ATP2C1: variants seen among roughly 807,000 people sequenced by gnomAD.
ATP2C1 encodes the protein calcium-transporting ATPase type 2C member 1.
A neutral mutation model predicts 120.5 loss-of-function variants in ATP2C1; 31 were observed. The ratio of observed to expected loss-of-function variants is 0.26; its 90% CI spans 0.19 to 0.35. The LOEUF is 0.35. Ranked by LOEUF, ATP2C1 falls within the 10% of genes least tolerant of loss-of-function variation. The probability of loss-of-function intolerance (pLI) is 1.00; values close to 1 mark genes in which losing one functional copy is unlikely to be tolerated. For missense variants in ATP2C1, 731 were observed against 1,107.5 expected, an observed-to-expected ratio of 0.66 and a Z score of 4.83; for synonymous variants, 351 against 358.7, an observed-to-expected ratio of 0.98 and a Z score of 0.24.
intron 2 of ATP2C1, among the ~76,000 whole-genome samples, chr3:130,904,230 C>T (rs2058020546): frequency 6.6e-6 from 1 of 152,012 alleles, no homozygotes; most frequent in East Asian, 1.9e-4. Context: ...ATTATTAAAA[C>T]CAGGACATTC....
chr3:130,894,513 C>T lies in ATP2C1; in HGVS notation c.-180-77C>T. Reference sequence around the variant, plus strand: ...GGGTGCGGGATCTTGGGGAGGGGGGCTCCCGAGATAGTGGCTGGGCGGGGA... The same window carrying T: ...GGGTGCGGGATCTTGGGGAGGGGGGTTCCCGAGATAGTGGCTGGGCGGGGA... On this transcript the variant is annotated intron_variant, in intron 1 of 27. Coordinates refer to ENST00000510168, the MANE Select transcript of ATP2C1 (RefSeq NM_001378687.1). This position sits in a 1 kb window ranked among gnomAD's most constrained non-coding sequence, Gnocchi z 4.5. 7.2e-7 allele frequency: 1 copy of T among 1,388,066 alleles called. No individual in the cohort carries two copies. The highest frequency in any genetic ancestry group is 9.3e-7 in the Non-Finnish European group (1 of 1,072,200). The allele number at this position is 1,388,066 out of a possible 1,614,324, so 86.0% of individuals were successfully genotyped here. A position where few individuals can be genotyped will look rare whatever the true frequency, so the allele number is the denominator to read the frequency against.
intron 8 of ATP2C1, among the ~76,000 whole-genome samples, chr3:130,948,942 A>AATG (rs2060258372): frequency 6.6e-6 from 1 of 152,138 alleles, no homozygotes; most frequent in Non-Finnish European, 1.5e-5. Context: ...CTATAAATGT[A>AATG]ATGAGTAAAT....
rs61731516 is a variant in ATP2C1, at chr3:130,979,301, G to C, written c.1623G>C (p.Leu541Phe). ...TGGGACAGCTGACATTTCTTGGCTT[G>C]GTGGGAATCATTGATCCACCTAGAA... is the stretch of plus-strand genomic sequence containing the variant. ...PELGQLTFLG[L>F]VGIIDPPRTG... Residue 541 changes from leucine to phenylalanine, a missense_variant, in exon 19 of 28, where the codon TTG becomes TTC. Physicochemically the swap from Leu to Phe is conservative, Grantham distance 22. Transcript: ENST00000510168. 8.5e-4 allele frequency: 1,367 copies of C among 1,613,532 alleles called. 11 individuals carry two copies. In the African/African-American group the frequency reaches 0.016, roughly 19 times the overall value.
intron 1 of ATP2C1, among the ~76,000 whole-genome samples, chr3:130,857,211 A>G (rs2067869636): frequency 6.6e-6 from 1 of 152,240 alleles, no homozygotes; most frequent in African/African-American, 2.4e-5. Context: ...AAAAATAAAA[A>G]GCTACCAATG....
Position 131,002,695 on chromosome 3 carries a change from C to T in ATP2C1, c.*1345C>T, listed in dbSNP as rs1467967679. On this transcript the variant is annotated 3_prime_UTR_variant, in exon 28 of 28. Transcript: ENST00000510168. ...CTAACAGGTTTAATCCTTCTTGAAG[C>T]CAATAAGTTTTATCTTTTATAATCT... is the stretch of plus-strand genomic sequence containing the variant. The T allele has an allele frequency of 9.1e-6, 9 of 985,348 alleles. No homozygotes were observed. The highest frequency in any genetic ancestry group is 1.1e-5 in the Non-Finnish European group (9 of 829,892). 61.0% of individuals were successfully genotyped at this position (985,348 alleles called of 1,614,324 possible).
intron 2 of ATP2C1, chr3:130,918,615 T>C: frequency 3.0e-6 from 2 of 674,172 alleles, no homozygotes; most frequent in Admixed American, 3.9e-5. Context: ...CTTCTTTCCA[T>C]AGCAGGATTT....
intron 1 of ATP2C1, among the ~76,000 whole-genome samples, chr3:130,865,837 T>G (rs935953428): frequency 6.6e-6 from 1 of 152,208 alleles, no homozygotes; most frequent in Admixed American, 6.5e-5. Context: ...TTCAGCAGCA[T>G]CAAAACAGAC....
intron 23 of ATP2C1, 62 bp from the exon 24 acceptor site, chr3:130,996,618 G>A: frequency 1.9e-6 from 2 of 1,069,878 alleles, no homozygotes; most frequent in Non-Finnish European, 2.9e-6. Flanking sequence ...CTAAAAAAGT[G>A]GTATCATAGA....
intron 2 of ATP2C1, among the ~76,000 whole-genome samples, chr3:130,925,270 C>T (rs2059152221): frequency 6.6e-6 from 1 of 152,144 alleles, no homozygotes; most frequent in African/African-American, 2.4e-5. Flanking sequence ...GGGGTTCTCC[C>T]TTGATGTGGT....
chr3:130,984,871 G>A (rs1386599196), intron 20 of ATP2C1, among the ~76,000 whole-genome samples: 3 of 152,146 alleles, frequency 2.0e-5, no homozygotes, highest in Non-Finnish European at 4.4e-5. Context: ...AACCTACATA[G>A]TTTTGCAAGC....
chr3:130,873,681 A>G (rs770765284), intron 1 of ATP2C1, among the ~76,000 whole-genome samples: 4 of 152,252 alleles, frequency 2.6e-5, no homozygotes, highest in Non-Finnish European at 4.4e-5. Flanking sequence ...GTTGATGTGC[A>G]AACCACAAAA....
chr3:130,905,440 T>G (rs1339466671), intron 2 of ATP2C1, among the ~76,000 whole-genome samples: 1 of 152,076 alleles, frequency 6.6e-6, no homozygotes, highest in African/African-American at 2.4e-5. Flanking sequence ...TATATTGACT[T>G]ACTTGTTTCA....
At chr3:130,882,448 G>C (rs1021382083) in intron 1 of ATP2C1, among the ~76,000 whole-genome samples, 1 of 152,054 alleles carries the variant, frequency 6.6e-6, no homozygotes, top group Non-Finnish European at 1.5e-5. Flanking sequence ...TGATCTGCTT[G>C]TCTTGGCATC....
intron 1 of ATP2C1, among the ~76,000 whole-genome samples, chr3:130,858,872 G>A (rs1272059771): frequency 6.6e-6 from 1 of 152,190 alleles, no homozygotes; most frequent in Non-Finnish European, 1.5e-5. Flanking sequence ...AGAAAGATAG[G>A]TATGCATTTG....
intron 21 of ATP2C1, 66 bp downstream of exon 21, chr3:130,993,067 T>C (rs752604906): frequency 4.3e-6 from 6 of 1,408,172 alleles, no homozygotes; most frequent in Non-Finnish European, 6.0e-6. Context: ...ACTTTTGTTA[T>C]GTTTGCATTA....
rs934863897 is a variant in ATP2C1 at position 131,003,150 on chromosome 3, A to G, written c.*1800A>G. ...AAAATAAAAATGATTTCTTAAGTTA[A>G]TGACATCCCAGTGGGGACTATTAGC... On this transcript the variant is annotated 3_prime_UTR_variant, in exon 28 of 28. Coordinates refer to ENST00000510168, the MANE Select transcript of ATP2C1 (RefSeq NM_001378687.1). 4 of 982,586 alleles carry G rather than the reference A, an allele frequency of 4.1e-6. No individual in the cohort carries two copies. The highest frequency in any genetic ancestry group is 1.2e-6 in the Non-Finnish European group (1 of 827,104). The allele number at this position is 982,586 out of a possible 1,614,324, so 60.9% of individuals were successfully genotyped here.
chr3:130,893,490 T>G (rs534254381), upstream of ATP2C1, among the ~76,000 whole-genome samples: 5 of 151,782 alleles, frequency 3.3e-5, no homozygotes, highest in Admixed American at 2.6e-4. Flanking sequence ...CAGTGCAGGG[T>G]TTTGCAAGTG....
exon 27 of ATP2C1, chr3:131,016,656 T>G: frequency 2.7e-6 from 1 of 365,562 alleles, no homozygotes; most frequent in Non-Finnish European, 5.1e-6. Flanking sequence ...TCTGTGTCTA[T>G]GAAAAATACA....
At position 130,930,545 on chromosome 3, in the gene ATP2C1, G is replaced by A. The variant is rs756833316; in HGVS notation, c.117+19G>A. 3 of 1,460,852 alleles carry A rather than the reference G, an allele frequency of 2.1e-6. No individual in the cohort carries two copies. Among genetic ancestry groups the A allele is most frequent in the Non-Finnish European group, 2.9e-6 (3 of 1,040,358 alleles). The allele number at this position is 1,460,852 out of a possible 1,614,324, so 90.5% of individuals were successfully genotyped here. A position where few individuals can be genotyped will look rare whatever the true frequency, so the allele number is the denominator to read the frequency against. ...TCTCCAAGTAAGTGGTTAGTGGGGA[G>A]GAAGGGACTAGATGGTGTAAAGTCA... is the stretch of plus-strand genomic sequence containing the variant. On this transcript the variant is annotated intron_variant, in intron 3 of 27. Coordinates refer to ENST00000510168, the MANE Select transcript of ATP2C1 (RefSeq NM_001378687.1).
Sources: gnomAD v4.1 joint callset for allele counts (sites outside exome capture counted in the v4.1 genomes callset) on GRCh38, gnomAD v4.1.1 for gene constraint, Gnocchi (gnomAD v3.1) non-coding constraint, MANE v1.5 for transcripts, NCBI Gene and HGNC (gene_info 2026-07-23, HGNC 2026-07-21) for gene names.